MTUS2: variants seen among roughly 807,000 people sequenced by gnomAD.
MTUS2 encodes the protein microtubule-associated tumor suppressor candidate 2.
A neutral mutation model predicts 114.1 loss-of-function variants in MTUS2; 40 were observed. The ratio of observed to expected loss-of-function variants is 0.35; its 90% confidence interval spans 0.27 to 0.46. The LOEUF (loss-of-function observed/expected upper bound fraction) is 0.46. MTUS2 is among the 20% of genes least tolerant of loss of function. MTUS2 has a pLI of 1.00. For synonymous variants in MTUS2, 688 were observed against 672.0 expected (o/e 1.02, Z -0.37); for missense variants, 1,679 against 1,705.4 (o/e 0.98, Z 0.27).
intron 2 of MTUS2, among the ~76,000 whole-genome samples, chr13:28,856,396 A>G (rs1876630881): frequency 6.6e-6 from 1 of 152,170 alleles, no homozygotes; most frequent in East Asian, 1.9e-4. Flanking sequence ...ACAATGTGGG[A>G]TGCATGCTCA....
intron 5 of MTUS2, among the ~76,000 whole-genome samples, chr13:29,186,700 A>G (rs145910959): frequency 3.2e-3 from 483 of 152,370 alleles, no homozygotes; most frequent in African/African-American, 0.011. Flanking sequence ...TCCACTTTCA[A>G]TAATAAAGCA....
chr13:29,333,401 T>A (rs1900892285), intron 7 of MTUS2, among the ~76,000 whole-genome samples: 1 of 152,052 alleles, frequency 6.6e-6, no homozygotes, highest in Non-Finnish European at 1.5e-5. Flanking sequence ...TTCTCCATGT[T>A]GGTCAGGCTG....
At chr13:29,420,737 G>C (rs1876034590) in intron 8 of MTUS2, among the ~76,000 whole-genome samples, 1 of 152,172 alleles carries the variant, frequency 6.6e-6, no homozygotes, top group African/African-American at 2.4e-5. Context: ...TTACCTATCA[G>C]TTGTCCAATA....
At chr13:29,122,219 C>G (rs936904759) in intron 5 of MTUS2, among the ~76,000 whole-genome samples, 3 of 151,934 alleles carry the variant, frequency 2.0e-5, no homozygotes, top group Admixed American at 6.6e-5. Context: ...TTCACTTGGG[C>G]CTTAAAAGAC....
intron 5 of MTUS2, among the ~76,000 whole-genome samples, chr13:29,170,299 A>G (rs1437363381): frequency 6.6e-6 from 1 of 152,186 alleles, no homozygotes; most frequent in Non-Finnish European, 1.5e-5. Context: ...TCTTATTGTT[A>G]TTGTTCTATT....
chr13:29,504,023 CAA>C lies in MTUS2; in HGVS notation c.*818_*819del, dbSNP rs1194573794. On this transcript the variant is annotated 3_prime_UTR_variant, in exon 16 of 16. Coordinates refer to ENST00000612955, the MANE Select transcript of MTUS2 (RefSeq NM_001033602.4). Reference sequence around the variant, plus strand: ...CTCATCTCTGATAGTCTTGTAAACACAAGTTTTGCTTTTTTCCTAAATGGCAT... The same window carrying C: ...CTCATCTCTGATAGTCTTGTAAACACGTTTTGCTTTTTTCCTAAATGGCAT... 3 of 231,948 alleles carry C rather than the reference CAA, an allele frequency of 1.3e-5. No homozygotes were observed. The highest frequency in any genetic ancestry group is 6.6e-5 in the African/African-American group (3 of 45,236). The allele number at this position is 231,948 out of a possible 1,614,324, so 14.4% of individuals were successfully genotyped here.
intron 5 of MTUS2, among the ~76,000 whole-genome samples, chr13:29,138,510 TATATAA>T (rs1892078830): frequency 6.7e-6 from 1 of 148,886 alleles, no homozygotes; most frequent in African/African-American, 2.4e-5. Context: ...ATATTTGAGT[TATATAA>T]ATATAAACTT....
rs555153092 is a variant in MTUS2, at chr13:28,893,763, G to C, written c.-243+53913G>C. On this transcript the variant is annotated intron_variant, in intron 2 of 15. Coordinates refer to ENST00000612955, the MANE Select transcript of MTUS2 (RefSeq NM_001033602.4). ...CTACAGCTGACTAAATGAGAAGACA[G>C]GTTAAACAGACATTCCATATGAATA... is the stretch of plus-strand genomic sequence containing the variant. 2.6e-5 allele frequency among the ~76,000 whole-genome samples: 4 copies of C among 152,034 alleles called. No homozygotes were observed. The South Asian group carries it at 8.3e-4, about 32-fold the overall frequency.
chr13:29,042,021 A>C (rs1205458584), intron 4 of MTUS2, among the ~76,000 whole-genome samples: 2 of 152,106 alleles, frequency 1.3e-5, no homozygotes, highest in East Asian at 3.9e-4. Flanking sequence ...AAGTGGTGAA[A>C]GTGGGCATCC....
chr13:28,968,916 A>C (rs1025925584), intron 2 of MTUS2, among the ~76,000 whole-genome samples: 1 of 152,252 alleles, frequency 6.6e-6, no homozygotes, highest in African/African-American at 2.4e-5. Flanking sequence ...AAATATTAAA[A>C]ACTTTCTCTT....
rs536999925 is a variant in MTUS2, at chr13:29,076,628, G to A, written c.2447-24145G>A. ...TTCCTCCCCATGTGAACCTCTGGAC[G>A]GGGCTGCTTAAATGTCCTCATGGCA... On this transcript the variant is annotated intron_variant, in intron 4 of 15. Transcript: ENST00000612955. 1.4e-3 allele frequency among the ~76,000 whole-genome samples: 208 copies of A among 152,180 alleles called. 1 individual carries two copies. The highest frequency in any genetic ancestry group is 2.4e-3 in the Non-Finnish European group (163 of 68,034).
chr13:28,891,142 G>A (rs1210835440), intron 2 of MTUS2, among the ~76,000 whole-genome samples: 1 of 152,210 alleles, frequency 6.6e-6, no homozygotes, highest in Non-Finnish European at 1.5e-5. Context: ...CTGAGGACAT[G>A]TGGGATACGT....
chr13:29,033,703 C>T (rs1886931193), intron 3 of MTUS2, among the ~76,000 whole-genome samples, 182 bp from the exon 4 acceptor site: 1 of 151,984 alleles, frequency 6.6e-6, no homozygotes, highest in Non-Finnish European at 1.5e-5. Context: ...CCTGAGAGAT[C>T]ATCCAGTGTG....
At chr13:28,936,582 C>A (rs1350392896) in intron 2 of MTUS2, among the ~76,000 whole-genome samples, 3 of 152,088 alleles carry the variant, frequency 2.0e-5, no homozygotes, top group East Asian at 1.9e-4. Flanking sequence ...TCCTCTGGAA[C>A]CTGCAGCTAC....
intron 2 of MTUS2, among the ~76,000 whole-genome samples, chr13:28,992,095 C>T (rs1884887185): frequency 6.6e-6 from 1 of 152,192 alleles, no homozygotes; most frequent in South Asian, 2.1e-4. Context: ...CTCAATCTCC[C>T]TTCTCTTCTC....
intron 8 of MTUS2, among the ~76,000 whole-genome samples, chr13:29,369,253 G>A (rs1052908638): frequency 6.6e-6 from 1 of 152,126 alleles, no homozygotes; most frequent in Non-Finnish European, 1.5e-5. Context: ...GTTCTGCCTC[G>A]TTTCAGCCCG....
intron 11 of MTUS2, among the ~76,000 whole-genome samples, chr13:29,491,659 AGT>A (rs749449675): frequency 6.3e-5 from 8 of 127,080 alleles, no homozygotes; most frequent in Non-Finnish European, 1.2e-4. Context: ...TGTGGCATGT[AGT>A]GTGTATGCGA....
At chr13:29,295,371 C>T (rs1020656189) in intron 6 of MTUS2, among the ~76,000 whole-genome samples, 14 of 152,120 alleles carry the variant, frequency 9.2e-5, no homozygotes, top group African/African-American at 3.4e-4. Flanking sequence ...ACTTACTCCT[C>T]CTATCTGGAT....
chr13:29,238,289 A>G (rs1896611037), intron 5 of MTUS2, among the ~76,000 whole-genome samples: 1 of 152,232 alleles, frequency 6.6e-6, no homozygotes, highest in Admixed American at 6.5e-5. Flanking sequence ...GGACAGAACT[A>G]ATAGGATAGA....
Sources: gnomAD v4.1 joint callset for allele counts (sites outside exome capture counted in the v4.1 genomes callset) on GRCh38, gnomAD v4.1.1 for gene constraint, MANE v1.5 for transcripts, NCBI Gene and HGNC (gene_info 2026-07-23, HGNC 2026-07-21) for gene names.